RUBCNL: variants seen among roughly 807,000 people sequenced by gnomAD.
RUBCNL encodes the protein protein associated with UVRAG as autophagy enhancer.
A neutral mutation model predicts 69.5 loss-of-function variants in RUBCNL; 62 were observed. The ratio of observed to expected loss-of-function variants is 0.89; its 90% confidence interval spans 0.73 to 1.10. RUBCNL has a LOEUF of 1.10. Ranked by LOEUF, RUBCNL falls within the 50% of genes least tolerant of loss-of-function variation. The probability of loss-of-function intolerance (pLI) is 0.00; values close to 1 mark genes in which losing one functional copy is unlikely to be tolerated. For missense variants in RUBCNL, 768 were observed against 798.1 expected (o/e 0.96, Z 0.45); for synonymous variants, 291 against 303.6 (o/e 0.96, Z 0.43).
intron 10 of RUBCNL, chr13:46,354,840 C>T (rs956994189): frequency 6.6e-6 from 3 of 456,588 alleles, no homozygotes; most frequent in African/African-American, 6.0e-5. Context: ...AAAGTGCAGA[C>T]ACACATCTCC....
At position 46,335,121 on chromosome 13, in the gene RUBCNL, G is replaced by T. The variant is rs989922782; in HGVS notation, c.*8264C>A. Among the ~76,000 whole-genome samples, 5 of 151,896 alleles carry T rather than the reference G, an allele frequency of 3.3e-5. No individual in the cohort carries two copies. Among genetic ancestry groups the T allele is most frequent in the African/African-American group, 1.2e-4 (5 of 41,324 alleles). On this transcript the variant is annotated 3_prime_UTR_variant, in exon 15 of 15. Coordinates refer to ENST00000429979, the MANE Select transcript of RUBCNL (RefSeq NM_025113.5). Reference sequence around the variant, plus strand: ...ACTCTGTCACCCAGGCTGGAATGCAGTGGCGGGATCATGCCTCACTACAGC... The same window carrying T: ...ACTCTGTCACCCAGGCTGGAATGCATTGGCGGGATCATGCCTCACTACAGC...
Position 46,372,152 on chromosome 13 carries a change from G to A in RUBCNL, c.324C>T (p.Thr108=), listed in dbSNP as rs1407219135. The A allele has an allele frequency of 6.2e-7, 1 of 1,613,992 alleles. No homozygotes were observed. The change falls in exon 3 of 15, where the codon ACC becomes ACT. Residue 108 remains threonine (T), a synonymous_variant. Coordinates refer to ENST00000429979, the MANE Select transcript of RUBCNL (RefSeq NM_025113.5). Reference sequence around the variant, plus strand: ...GAGAAGCGCTGCCAACGGAGTCTGTGGTATCCTCAGACAACGTTGTCTCTG... The same window carrying A: ...GAGAAGCGCTGCCAACGGAGTCTGTAGTATCCTCAGACAACGTTGTCTCTG... ...SLAETTLSED[T]TDSVGSASPH...
chr13:46,361,780 C>T (rs1177753574), intron 7 of RUBCNL, among the ~76,000 whole-genome samples: 3 of 152,076 alleles, frequency 2.0e-5, no homozygotes, highest in Non-Finnish European at 4.4e-5. Flanking sequence ...TTACTGAGGG[C>T]GCTAAGACTT....
intron 1 of RUBCNL, chr13:46,385,380 T>C (rs985634654): frequency 7.7e-6 from 3 of 391,210 alleles, no homozygotes; most frequent in South Asian, 2.1e-4. Context: ...GCACTAATAT[T>C]ACTACACTTA....
At chr13:46,378,686 G>A (rs1361331301) in intron 1 of RUBCNL, 3 of 152,236 alleles carry the variant, frequency 2.0e-5, no homozygotes, top group Admixed American at 2.0e-4. Flanking sequence ...AGATGCCTCA[G>A]TGCCACCATG....
At chr13:46,368,328 A>G in intron 4 of RUBCNL, 79 bp from the exon 5 acceptor site, 2 of 1,474,252 alleles carry the variant, frequency 1.4e-6, no homozygotes, top group Non-Finnish European at 1.8e-6. Context: ...AAAAATCAAT[A>G]TGCTCTATTT....
At chr13:46,343,955 C>T (rs2048188493) in intron 14 of RUBCNL, among the ~76,000 whole-genome samples, 1 of 152,196 alleles carries the variant, frequency 6.6e-6, no homozygotes, top group Non-Finnish European at 1.5e-5. Context: ...TGGAACAATG[C>T]TGAAAGGCCA....
At position 46,336,123 on chromosome 13, in the gene RUBCNL, G is replaced by A. The variant is rs1012709821; in HGVS notation, c.*7262C>T. Reference sequence around the variant, plus strand: ...TGTTTCCGGGTTCCAAAGCTTCCAGGAGGAAGGTGAATGGTTGCATCCATC... The same window carrying A: ...TGTTTCCGGGTTCCAAAGCTTCCAGAAGGAAGGTGAATGGTTGCATCCATC... On this transcript the variant is annotated 3_prime_UTR_variant, in exon 15 of 15. Coordinates refer to ENST00000429979, the MANE Select transcript of RUBCNL (RefSeq NM_025113.5). 1.3e-5 allele frequency among the ~76,000 whole-genome samples: 2 copies of A among 152,210 alleles called. No individual in the cohort carries two copies. The highest frequency in any genetic ancestry group is 4.8e-5 in the African/African-American group (2 of 41,446).
Position 46,345,260 on chromosome 13 carries a change from G to A in RUBCNL, c.1785+187C>T, listed in dbSNP as rs1035905139. On this transcript the variant is annotated intron_variant, in intron 13 of 14. Transcript: ENST00000429979. Reference sequence around the variant, plus strand: ...GTCCATTGGTCCAGGCTTGCATCCCGGCTCTGCCACTTACCAGCAGGGGTA... The same window carrying A: ...GTCCATTGGTCCAGGCTTGCATCCCAGCTCTGCCACTTACCAGCAGGGGTA... Among the ~76,000 whole-genome samples the A allele has an allele frequency of 7.9e-5, 12 of 152,132 alleles. 1 individual carries two copies. Among genetic ancestry groups the A allele is most frequent in the South Asian group, 2.1e-4 (1 of 4,828 alleles).
chr13:46,375,108 G>A (rs930674084), intron 2 of RUBCNL, among the ~76,000 whole-genome samples: 1 of 152,118 alleles, frequency 6.6e-6, no homozygotes, highest in African/African-American at 2.4e-5. Flanking sequence ...CTAACTGTAA[G>A]CTTCATGAGA....
At chr13:46,352,350 G>C (rs1204428441) in intron 10 of RUBCNL, among the ~76,000 whole-genome samples, 1 of 152,164 alleles carries the variant, frequency 6.6e-6, no homozygotes, top group Non-Finnish European at 1.5e-5. Context: ...TTCATAGTTT[G>C]AGTCATGTAC....
chr13:46,368,458 A>G (rs2048808608), intron 4 of RUBCNL: 1 of 985,240 alleles, frequency 1.0e-6, no homozygotes, highest in Non-Finnish European at 1.2e-6. Context: ...ATCAACGGAC[A>G]ACTCAAATTG....
chr13:46,384,165 C>T (rs2049183481), intron 1 of RUBCNL, among the ~76,000 whole-genome samples: 1 of 152,172 alleles, frequency 6.6e-6, no homozygotes, highest in Admixed American at 6.5e-5. Context: ...AATGATTTAA[C>T]AATTGAGCCA....
Position 46,338,073 on chromosome 13 carries a change from G to A in RUBCNL, c.*5312C>T, listed in dbSNP as rs368456821. On this transcript the variant is annotated 3_prime_UTR_variant, in exon 15 of 15. Coordinates refer to ENST00000429979, the MANE Select transcript of RUBCNL (RefSeq NM_025113.5). The stretch of plus-strand genomic sequence containing the variant: ...AGGAGAAGGGAGCATGTGTGTGCAC[G>A]TGCAGTACGCTGAAGAATGGGCAAG... Among the ~76,000 whole-genome samples, 343 of 152,330 alleles carry A rather than the reference G, an allele frequency of 2.3e-3. 4 individuals carry two copies. The highest frequency in any genetic ancestry group is 0.012 in the South Asian group (57 of 4,822).
rs1224087087 is a variant in RUBCNL, at chr13:46,340,644, A to G, written c.*2741T>C. Among the ~76,000 whole-genome samples, 1 of 152,212 alleles carries G rather than the reference A, an allele frequency of 6.6e-6. No individual in the cohort carries two copies. Among genetic ancestry groups the G allele is most frequent in the African/African-American group, 2.4e-5 (1 of 41,460 alleles). On this transcript the variant is annotated 3_prime_UTR_variant, in exon 15 of 15. Transcript: ENST00000429979. ...TTATGGTTCTGCGGGCTGTACAAGC[A>G]TCGCACCAATATCTGCTTCTGGTTA...
In RUBCNL at chr13:46,359,736, A is replaced by G. The variant is rs1594152373; in HGVS notation, c.1120-105T>C. 3 of 1,134,140 alleles carry G rather than the reference A, an allele frequency of 2.6e-6. No homozygotes were observed. In the East Asian group the frequency reaches 7.8e-5, roughly 30 times the overall value. 70.3% of individuals were successfully genotyped at this position (1,134,140 alleles called of 1,614,324 possible). ...TTCCAACATTAAAATTTACCATGAA[A>G]AATTAACAGTGCTTTTAACTGAACT... On this transcript the variant is annotated intron_variant, in intron 8 of 14. Transcript: ENST00000429979.
chr13:46,383,788 T>C (rs570370531), intron 1 of RUBCNL, among the ~76,000 whole-genome samples: 4 of 152,304 alleles, frequency 2.6e-5, no homozygotes, highest in Admixed American at 2.6e-4. Context: ...TCATCTGTAA[T>C]TTCACAGTAT....
At chr13:46,344,436 A>C (rs1396900522) in intron 14 of RUBCNL, among the ~76,000 whole-genome samples, 2 of 152,160 alleles carry the variant, frequency 1.3e-5, no homozygotes, top group Non-Finnish European at 2.9e-5. Flanking sequence ...CTGGGCATGA[A>C]TGATCCAATT....
At chr13:46,357,635 T>C (rs1390935550) in intron 9 of RUBCNL, among the ~76,000 whole-genome samples, 1 of 149,830 alleles carries the variant, frequency 6.7e-6, no homozygotes, top group African/African-American at 2.5e-5. Flanking sequence ...TTCTTTCTTT[T>C]TTTTTTTTTT....
Sources: gnomAD v4.1 joint callset for allele counts (sites outside exome capture counted in the v4.1 genomes callset) on GRCh38, gnomAD v4.1.1 for gene constraint, MANE v1.5 for transcripts, NCBI Gene and HGNC (gene_info 2026-07-23, HGNC 2026-07-21) for gene names.